PCDH15: variants seen among roughly 807,000 people sequenced by gnomAD.
PCDH15 encodes protocadherin-15.
PCDH15 carries 129 observed loss-of-function variants against 178.5 expected under a neutral mutation model. That is an observed-to-expected ratio of 0.72 (90% CI 0.63 to 0.84). The LOEUF is 0.84. Among genes scored for constraint, PCDH15 ranks in the 40% least tolerant of loss-of-function variants. The pLI is 0.00. For missense variants in PCDH15, 2,230 were observed against 2,099.9 expected (o/e 1.06, Z -1.21); for synonymous variants, 800 against 732.0 (o/e 1.09, Z -1.50).
chr10:54,465,178 T>G (rs1401365782), intron 3 of PCDH15, among the ~76,000 whole-genome samples: 3 of 152,116 alleles, frequency 2.0e-5, no homozygotes, highest in African/African-American at 7.2e-5. Context: ...GTGATTTTTT[T>G]GTTACACGCG....
chr10:55,526,583 C>T (rs1009034444), intron 2 of PCDH15, among the ~76,000 whole-genome samples: 3 of 151,972 alleles, frequency 2.0e-5, no homozygotes, highest in Non-Finnish European at 2.9e-5. Context: ...TACATGAGTG[C>T]TTTCCATCAA....
intron 8 of PCDH15, among the ~76,000 whole-genome samples, chr10:54,290,266 C>T (rs2059312518): frequency 6.6e-6 from 1 of 152,174 alleles, no homozygotes; most frequent in Admixed American, 6.5e-5. Flanking sequence ...AAAGAATTTT[C>T]AACCCAGAAT....
chr10:54,760,330 GT>G (rs1287381883), intron 1 of PCDH15, among the ~76,000 whole-genome samples: 1 of 151,986 alleles, frequency 6.6e-6, no homozygotes, highest in Non-Finnish European at 1.5e-5. Context: ...TTGAATAACT[GT>G]TTTAAAACAG....
intron 1 of PCDH15, among the ~76,000 whole-genome samples, chr10:55,301,291 T>C (rs1156442372): frequency 1.3e-5 from 2 of 152,312 alleles, no homozygotes; most frequent in South Asian, 2.1e-4. Context: ...TTACTTATTG[T>C]ATCCATTCTG....
chr10:55,152,110 T>C (rs1002548198), intron 2 of PCDH15, among the ~76,000 whole-genome samples: 3 of 152,110 alleles, frequency 2.0e-5, no homozygotes, highest in African/African-American at 7.2e-5. Context: ...ATTATAAATA[T>C]AGATCGCTTT....
chr10:54,634,570 G>T (rs1323118772), intron 2 of PCDH15, among the ~76,000 whole-genome samples: 1 of 151,798 alleles, frequency 6.6e-6, no homozygotes, highest in African/African-American at 2.4e-5. Flanking sequence ...TAGAATATGA[G>T]GCAGGCTCTG....
chr10:54,294,988 C>A (rs540121574), intron 8 of PCDH15, among the ~76,000 whole-genome samples: 4 of 152,280 alleles, frequency 2.6e-5, no homozygotes, highest in African/African-American at 9.6e-5. Context: ...ATTGTTGAAA[C>A]TGGGTGATAA....
intron 26 of PCDH15, among the ~76,000 whole-genome samples, chr10:53,897,331 T>G (rs1473469026): frequency 4.6e-5 from 7 of 152,226 alleles, no homozygotes; most frequent in Non-Finnish European, 1.0e-4. Flanking sequence ...ATAAATTGAC[T>G]AATATAAATC....
intron 1 of PCDH15, among the ~76,000 whole-genome samples, chr10:54,787,292 A>G (rs968055850): frequency 3.3e-5 from 5 of 151,998 alleles, no homozygotes; most frequent in Admixed American, 3.3e-4. Flanking sequence ...AATTTTTACA[A>G]AAATCATCTT....
At chr10:55,204,130 A>G (rs1840329346) in intron 1 of PCDH15, among the ~76,000 whole-genome samples, 1 of 148,750 alleles carries the variant, frequency 6.7e-6, no homozygotes, top group Admixed American at 6.7e-5. Flanking sequence ...AATGTAATAT[A>G]TTAAATGTGT....
At chr10:54,804,442 A>C (rs1299137287), upstream of PCDH15, among the ~76,000 whole-genome samples, 1 of 152,202 alleles carries the variant, frequency 6.6e-6, no homozygotes, top group Non-Finnish European at 1.5e-5. Flanking sequence ...CATGATGAAT[A>C]TAAAGTGATG....
intron 1 of PCDH15, among the ~76,000 whole-genome samples, chr10:55,302,213 C>T (rs1843304450): frequency 7.0e-6 from 1 of 143,076 alleles, no homozygotes; most frequent in Admixed American, 6.7e-5. Context: ...CTGAATATTC[C>T]ACTCTATGAA....
chr10:54,144,260 A>T (rs1319732678), intron 14 of PCDH15, among the ~76,000 whole-genome samples: 1 of 152,060 alleles, frequency 6.6e-6, no homozygotes, highest in Admixed American at 6.6e-5. Flanking sequence ...AAAATTGATA[A>T]ATAGAAAGGG....
intron 1 of PCDH15, among the ~76,000 whole-genome samples, chr10:55,195,653 TAA>T (rs5785123): frequency 9.1e-4 from 107 of 118,088 alleles, no homozygotes; most frequent in Middle Eastern, 4.7e-3. Context: ...AAACTCCATC[TAA>T]AAAAAAAAAA....
At chr10:54,853,012 G>A (rs1036696069) in intron 3 of PCDH15, among the ~76,000 whole-genome samples, 2 of 151,380 alleles carry the variant, frequency 1.3e-5, no homozygotes, top group South Asian at 2.1e-4. Context: ...TGTAATCCCA[G>A]CACTTTGGGA....
At chr10:54,869,327 C>T (rs180979014) in intron 3 of PCDH15, among the ~76,000 whole-genome samples, 1 of 152,240 alleles carries the variant, frequency 6.6e-6, no homozygotes, top group African/African-American at 2.4e-5. Flanking sequence ...CAGAGTTCAG[C>T]ACAGCTTTGC....
intron 20 of PCDH15, among the ~76,000 whole-genome samples, chr10:54,010,534 C>T (rs2092546197): frequency 6.6e-6 from 1 of 152,182 alleles, no homozygotes; most frequent in Non-Finnish European, 1.5e-5. Flanking sequence ...AGCTAGACTG[C>T]TTTCTATGCA....
intron 8 of PCDH15, among the ~76,000 whole-genome samples, chr10:54,311,185 C>A (rs2060882284): frequency 6.6e-6 from 1 of 151,920 alleles, no homozygotes; most frequent in Admixed American, 6.6e-5. Context: ...AAAAAGATGA[C>A]CATGTTCAGT....
chr10:55,221,743 T>C (rs954363630), intron 1 of PCDH15, among the ~76,000 whole-genome samples: 2 of 152,212 alleles, frequency 1.3e-5, no homozygotes, highest in Middle Eastern at 3.4e-3. Flanking sequence ...GTGTAGTATA[T>C]GTCAATAACC....
Sources: allele counts gnomAD v4.1 joint callset (sites outside exome capture counted in the v4.1 genomes callset), GRCh38; gene constraint gnomAD v4.1.1; transcripts MANE v1.5; gene names NCBI Gene and HGNC (gene_info 2026-07-23, HGNC 2026-07-21).